RGS11: variants seen among roughly 807,000 people sequenced by gnomAD.
RGS11 encodes the protein regulator of G-protein signaling 11.
RGS11 carries 86 observed loss-of-function variants against 71.1 expected under a neutral mutation model. The ratio of observed to expected loss-of-function variants is 1.21; its 90% CI spans 1.02 to 1.45. The LOEUF is 1.45. Ranked by LOEUF, RGS11 falls within the 40% of genes most tolerant of loss-of-function variation. The probability of loss-of-function intolerance (pLI) is 0.00; values close to 1 mark genes in which losing one functional copy is unlikely to be tolerated. For missense variants in RGS11, 734 were observed against 635.1 expected (o/e 1.16, Z -1.67); for synonymous variants, 298 against 254.2 (o/e 1.17, Z -1.64).
chr16:269,392 G>A lies in RGS11; in HGVS notation c.1290-9C>T, dbSNP rs368705418. The A allele has an allele frequency of 1.4e-5, 22 of 1,596,738 alleles. No homozygotes were observed. The highest frequency in any genetic ancestry group is 1.7e-4 in the Middle Eastern group (1 of 6,042). On this transcript the variant is annotated splice_polypyrimidine_tract_variant and intron_variant, in intron 16 of 16. Coordinates refer to ENST00000397770, the MANE Select transcript of RGS11 (RefSeq NM_183337.3). ...ACGTAAACGGGAACACGCTGTGGGC[G>A]AGAAGGCGGCTGAGAACAGGCTGGC... is the stretch of plus-strand genomic sequence containing the variant.
chr16:275,790 C>G, intron 1 of RGS11, 59 bp downstream of exon 1: 1 of 598,298 alleles, frequency 1.7e-6, no homozygotes, highest in Non-Finnish European at 2.3e-6. Flanking sequence ...CTCTCCGGCC[C>G]CTCCCGGCCT....
At position 275,505 on chromosome 16, in the gene RGS11, G is replaced by T; in HGVS notation, c.64-7C>A. On this transcript the variant is annotated splice_region_variant and splice_polypyrimidine_tract_variant and intron_variant, in intron 1 of 16. Coordinates refer to ENST00000397770, the MANE Select transcript of RGS11 (RefSeq NM_183337.3). ...TCACGACCACCCGCTCCATCTGGGCGGAGGGAGTCGTCAGGGGGTGTCTGG... is the reference window on the plus strand; with the variant it reads ...TCACGACCACCCGCTCCATCTGGGCTGAGGGAGTCGTCAGGGGGTGTCTGG... 1 of 1,555,052 alleles carries T rather than the reference G, an allele frequency of 6.4e-7. No individual in the cohort carries two copies. Among genetic ancestry groups the T allele is most frequent in the South Asian group, 1.1e-5 (1 of 87,050 alleles).
At chr16:274,836 G>A in intron 4 of RGS11, 140 bp downstream of exon 4, 2 of 1,199,090 alleles carry the variant, frequency 1.7e-6, no homozygotes, top group Non-Finnish European at 2.4e-6. Flanking sequence ...GGGGGCGATG[G>A]ACCACCAGCC....
Position 270,585 on chromosome 16 carries a change from G to T in RGS11, c.1144C>A (p.Arg382Ser). The T allele has an allele frequency of 1.9e-6, 3 of 1,608,094 alleles. No individual in the cohort carries two copies. The highest frequency in any genetic ancestry group is 8.5e-7 in the Non-Finnish European group (1 of 1,177,842). Residue 382 changes from arginine (R) to serine (S), a missense_variant, in exon 15 of 17, where the codon CGC (arginine) becomes AGC (serine). By Grantham distance (110) the Arg-to-Ser change is moderately radical. Transcript: ENST00000397770. ...TCCAGGACATAGCGGTGGGGCTGGC[G>T]CAGCCCCTCCAGGGTCTGCTCCATG... Reference protein sequence around the residue: ...RTMEQTLEGLRQPHRYVLDDA... With the variant: ...RTMEQTLEGLSQPHRYVLDDA...
chr16:272,188 C>T (rs2051969071), intron 9 of RGS11: 1 of 1,167,922 alleles, frequency 8.6e-7, no homozygotes, highest in Non-Finnish European at 1.1e-6. Context: ...ACAACACATA[C>T]TTGAGAAATA....
intron 9 of RGS11, 109 bp downstream of exon 9, chr16:272,754 C>T: frequency 6.6e-7 from 1 of 1,521,162 alleles, no homozygotes; most frequent in Non-Finnish European, 8.8e-7. Context: ...CACCAAGTGC[C>T]CTCTGGGTGG....
intron 15 of RGS11, among the ~76,000 whole-genome samples, 187 bp downstream of exon 15, chr16:270,336 G>A (rs1026895088): frequency 1.3e-5 from 2 of 152,224 alleles, no homozygotes; most frequent in South Asian, 2.1e-4. Context: ...GTCTGAACCC[G>A]GAGTGGGCTC....
rs1198479597 is a variant in RGS11, at chr16:269,313, G to C, written c.1360C>G (p.Pro454Ala). Residue 454 changes from proline to alanine, a missense_variant, in exon 17 of 17, where the codon CCC becomes GCC. Coordinates refer to ENST00000397770, the MANE Select transcript of RGS11 (RefSeq NM_183337.3). ...SPALLPTPVEPTAACGPGGGD... is the reference protein window; with the variant it reads ...SPALLPTPVEATAACGPGGGD... ...CCCCCAGGGCCACAAGCCGCTGTGG[G>C]CTCCACAGGGGTGGGAAGGAGTGCA... The C allele has an allele frequency of 3.8e-6, 6 of 1,595,776 alleles. No individual in the cohort carries two copies. The Admixed American group carries it at 5.3e-5, about 14-fold the overall frequency.
rs146310051 is a variant in RGS11, at chr16:271,545, G to A, written c.682C>T (p.Arg228Trp). The A allele has an allele frequency of 1.3e-4, 202 of 1,613,986 alleles. No individual in the cohort carries two copies. The African/African-American group carries it at 2.2e-3, about 17-fold the overall frequency. Residue 228 changes from arginine to tryptophan, a missense_variant, in exon 10 of 17, where the codon CGG (arginine) becomes TGG (tryptophan). By Grantham distance (101) the Arg-to-Trp change is moderately radical. Transcript: ENST00000397770. ...CTCCCAGCTCCAGAACTTACCTCCC[G>A]CTTATGGAAATCTGCACTCTTGGTC... ...LMTKSADFHK[R>W]EIEYFRKALG...
rs754518710 is a variant in RGS11, at chr16:270,781, G to A, written c.1030C>T (p.Gln344Ter). The part of the protein sequence containing the change: ...EACEELRYGA[Q>*]AQVPTLVDAV... Reference sequence around the variant, plus strand: ...TCCACCAGGGTGGGGACCTGGGCCTGCGCTCCATATCGAAGCTCCTCACAT... The same window carrying A: ...TCCACCAGGGTGGGGACCTGGGCCTACGCTCCATATCGAAGCTCCTCACAT... The change falls in exon 14 of 17, where the codon CAG (glutamine) becomes TAG (stop). Residue 344 changes from glutamine to a stop codon, truncating the protein, a stop_gained. Coordinates refer to ENST00000397770, the MANE Select transcript of RGS11 (RefSeq NM_183337.3). LOFTEE classifies it high-confidence loss of function. The A allele has an allele frequency of 6.2e-7, 1 of 1,612,620 alleles. No individual in the cohort carries two copies. The highest frequency in any genetic ancestry group is 8.5e-7 in the Non-Finnish European group (1 of 1,179,920).
intron 4 of RGS11, chr16:274,774 C>T (rs2052089639): frequency 1.3e-6 from 1 of 757,408 alleles, no homozygotes; most frequent in South Asian, 1.5e-5. Context: ...CTCCATCCCT[C>T]AGCCGGGTCC....
intron 9 of RGS11, chr16:272,076 T>C (rs1205204081): frequency 1.5e-5 from 12 of 809,910 alleles, no homozygotes; most frequent in Non-Finnish European, 1.9e-5. Flanking sequence ...ACTCAGGTGA[T>C]CTGCCCGCCT....
rs2051941175 is a variant in RGS11 at position 271,539 on chromosome 16, C to T, written c.687+1G>A. ...CCTCCACTCCCAGCTCCAGAACTTA[C>T]CTCCCGCTTATGGAAATCTGCACTC... On this transcript the variant is annotated splice_donor_variant, in intron 10 of 16. Transcript: ENST00000397770. LOFTEE classifies it high-confidence loss of function. The T allele has an allele frequency of 1.2e-6, 2 of 1,613,980 alleles. No individual in the cohort carries two copies. Among genetic ancestry groups the T allele is most frequent in the South Asian group, 2.2e-5 (2 of 91,066 alleles).
chr16:275,902 C>G lies in RGS11; in HGVS notation c.10G>C (p.Gly4Arg), dbSNP rs2052161824. Reference sequence around the variant, plus strand: ...GGGCGGCCGGGGGGCGGCGCGGGGCCGGCGGCCATGGCTGCGGGGCGAGGC... The same window carrying G: ...GGGCGGCCGGGGGGCGGCGCGGGGCGGGCGGCCATGGCTGCGGGGCGAGGC... The part of the protein sequence containing the change: MAA[G>R]PAPPPGRPRA... Residue 4 changes from glycine (G) to arginine (R), a missense_variant, in exon 1 of 17, where the codon GGC (glycine) becomes CGC (arginine). By Grantham distance (125) the Gly-to-Arg change is moderately radical (BLOSUM62 -2). Transcript: ENST00000397770. The G allele has an allele frequency of 3.5e-6, 3 of 853,004 alleles. No homozygotes were observed. Among genetic ancestry groups the G allele is most frequent in the Non-Finnish European group, 4.3e-6 (3 of 697,232 alleles). The allele number at this position is 853,004 out of a possible 1,614,324, so 52.8% of individuals were successfully genotyped here.
chr16:273,340 G>A (rs946661256), intron 8 of RGS11, 135 bp downstream of exon 8: 9 of 677,258 alleles, frequency 1.3e-5, no homozygotes, highest in Admixed American at 2.8e-5. Context: ...AAGTGAAAAC[G>A]TCCTGCCCCC....
chr16:273,970 C>A (rs2052050720), intron 6 of RGS11, 73 bp downstream of exon 6: 1 of 1,479,906 alleles, frequency 6.8e-7, no homozygotes, highest in Non-Finnish European at 9.2e-7. Flanking sequence ...CCGTGAAGCC[C>A]CGGGGGGCCG....
chr16:269,809 G>T, intron 15 of RGS11: 2 of 534,146 alleles, frequency 3.7e-6, no homozygotes, highest in Non-Finnish European at 3.3e-6. Context: ...AATGGCAAGA[G>T]CCCTGGTGGC....
In RGS11 at chr16:270,588, G is replaced by A. The variant is rs749287967; in HGVS notation, c.1141C>T (p.Leu381=). Residue 381 remains leucine, a synonymous_variant, in exon 15 of 17, where the codon CTG becomes TTG. Coordinates refer to ENST00000397770, the MANE Select transcript of RGS11 (RefSeq NM_183337.3). The stretch of plus-strand genomic sequence containing the variant: ...AGGACATAGCGGTGGGGCTGGCGCA[G>A]CCCCTCCAGGGTCTGCTCCATGGTC... ...SRTMEQTLEG[L]RQPHRYVLDD... 7 of 1,608,312 alleles carry A rather than the reference G, an allele frequency of 4.4e-6. No homozygotes were observed. Among genetic ancestry groups the A allele is most frequent in the Non-Finnish European group, 5.9e-6 (7 of 1,177,972 alleles).
At chr16:273,651 AG>A in intron 7 of RGS11, 95 bp from the exon 8 acceptor site, 2 of 1,493,856 alleles carry the variant, frequency 1.3e-6, no homozygotes, top group Non-Finnish European at 1.8e-6. Flanking sequence ...AGCCACACCC[AG>A]GGGTGCCCTC....
Sources: allele counts gnomAD v4.1 joint callset (sites outside exome capture counted in the v4.1 genomes callset), GRCh38; gene constraint gnomAD v4.1.1; transcripts MANE v1.5; gene names NCBI Gene and HGNC (gene_info 2026-07-23, HGNC 2026-07-21).